The following OSCP1 variants were observed in gnomAD, a reference collection of about 807,000 sequenced individuals.
The protein encoded by OSCP1 is protein OSCP1.
A neutral mutation model predicts 45.1 loss-of-function variants in OSCP1; 35 were observed. The observed-to-expected ratio is 0.78, with a 90% CI of 0.59 to 1.03. OSCP1 has a LOEUF of 1.03. OSCP1 is among the 50% of genes least tolerant of loss of function. The pLI is 0.00. For missense variants in OSCP1, 400 were observed against 470.7 expected (o/e 0.85, Z 1.39); for synonymous variants, 179 against 180.1 (o/e 0.99, Z 0.05).
At chr1:36,423,715 A>G (rs11263893) in intron 4 of OSCP1, among the ~76,000 whole-genome samples, 1 of 151,888 alleles carries the variant, frequency 6.6e-6, no homozygotes, top group Admixed American at 6.6e-5. Context: ...TCTACTAAAA[A>G]TACAAAAAAT....
chr1:36,419,204 C>A, intron 8 of OSCP1, 150 bp from the exon 9 acceptor site: 1 of 685,492 alleles, frequency 1.5e-6, no homozygotes, highest in Non-Finnish European at 2.6e-6. Context: ...ACCAATGTAC[C>A]CTACGACCTA....
At chr1:36,422,086 C>T in intron 7 of OSCP1, 64 bp downstream of exon 7, 6 of 1,500,266 alleles carry the variant, frequency 4.0e-6, no homozygotes, top group East Asian at 2.3e-5. Context: ...TCTCACCTCT[C>T]TTTATGTAGA....
chr1:36,427,564 G>T (rs1204271838), intron 4 of OSCP1, among the ~76,000 whole-genome samples: 2 of 151,890 alleles, frequency 1.3e-5, no homozygotes, highest in Non-Finnish European at 2.9e-5. Flanking sequence ...TGATCTGCCC[G>T]CCTTGGCCTC....
Position 36,447,059 on chromosome 1 carries a change from C to T in OSCP1, c.112+3199G>A, listed in dbSNP as rs575739443. 1.7e-4 allele frequency among the ~76,000 whole-genome samples: 26 copies of T among 152,210 alleles called. No individual in the cohort carries two copies. The highest frequency in any genetic ancestry group is 3.2e-4 in the Non-Finnish European group (22 of 68,016). On this transcript the variant is annotated intron_variant, in intron 1 of 9. Coordinates refer to ENST00000235532, the MANE Select transcript of OSCP1 (RefSeq NM_145047.5). The surrounding 1 kb of genome is among the most constrained non-coding windows in gnomAD (Gnocchi z 4.1). Reference sequence around the variant, plus strand: ...GATGGCCTCCAGGAGACCAATTAGTCGTATAAGATAATGAAAACATCTAGA... The same window carrying T: ...GATGGCCTCCAGGAGACCAATTAGTTGTATAAGATAATGAAAACATCTAGA...
intron 1 of OSCP1, among the ~76,000 whole-genome samples, 170 bp downstream of exon 1, chr1:36,450,088 G>A (rs1386246131): frequency 6.6e-6 from 1 of 151,904 alleles, no homozygotes; most frequent in East Asian, 1.9e-4. Flanking sequence ...AAAGCTTTTG[G>A]GGGGATTTGA....
In OSCP1 at chr1:36,438,745, T is replaced by G; in HGVS notation, c.267+11A>C. ...ATGCAACCAAGATGACAAAGGCAGC[T>G]GTCTGCTCACCTTATCCATGCTGGC... On this transcript the variant is annotated intron_variant, in intron 2 of 9. Coordinates refer to ENST00000235532, the MANE Select transcript of OSCP1 (RefSeq NM_145047.5). 1 of 1,585,830 alleles carries G rather than the reference T, an allele frequency of 6.3e-7. No individual in the cohort carries two copies. Among genetic ancestry groups the G allele is most frequent in the Admixed American group, 1.9e-5 (1 of 53,722 alleles).
chr1:36,439,072 G>C (rs528210600), intron 1 of OSCP1, 162 bp from the exon 2 acceptor site: 1 of 625,746 alleles, frequency 1.6e-6, no homozygotes, highest in South Asian at 3.3e-5. Context: ...CAGGTGTCCC[G>C]GTAGAAAGCA....
chr1:36,429,078 G>T (rs926218871), intron 4 of OSCP1, among the ~76,000 whole-genome samples: 1 of 151,974 alleles, frequency 6.6e-6, no homozygotes, highest in Non-Finnish European at 1.5e-5. Context: ...GCCAGCTCTG[G>T]AGTTGAGATT....
intron 4 of OSCP1, among the ~76,000 whole-genome samples, chr1:36,431,249 T>G (rs1648347661): frequency 6.7e-6 from 1 of 149,728 alleles, no homozygotes; most frequent in African/African-American, 2.5e-5. Context: ...GGCAGAGGAG[T>G]TGGTAGACAA....
intron 4 of OSCP1, among the ~76,000 whole-genome samples, chr1:36,427,299 C>CTT (rs71053929): frequency 7.3e-5 from 7 of 96,324 alleles, no homozygotes; most frequent in Non-Finnish European, 9.5e-5. Flanking sequence ...GGCGCCTGGC[C>CTT]TTTTTTTTTT....
In OSCP1 at chr1:36,445,394, T is replaced by C. The variant is rs113135956; in HGVS notation, c.112+4864A>G. Reference sequence around the variant, plus strand: ...AAACCATTTTGTAATTAATAGTTTCTTTTGGAAACATTTGCCACTAGATTG... The same window carrying C: ...AAACCATTTTGTAATTAATAGTTTCCTTTGGAAACATTTGCCACTAGATTG... On this transcript the variant is annotated intron_variant, in intron 1 of 9. Coordinates refer to ENST00000235532, the MANE Select transcript of OSCP1 (RefSeq NM_145047.5). 3.5e-3 allele frequency among the ~76,000 whole-genome samples: 533 copies of C among 152,356 alleles called. 5 individuals are homozygous for C. Among genetic ancestry groups the C allele is most frequent in the African/African-American group, 0.012 (489 of 41,594 alleles).
At chr1:36,436,104 A>ATT (rs780346891) in intron 2 of OSCP1, among the ~76,000 whole-genome samples, 13 of 113,882 alleles carry the variant, frequency 1.1e-4, no homozygotes, top group African/African-American at 3.3e-4. Flanking sequence ...CTCTCTCTCT[A>ATT]TTTTTTTTTT....
rs1267767792 is a variant in OSCP1 at position 36,428,458 on chromosome 1, C to T, written c.516+3344G>A. 1.9e-6 allele frequency: 3 copies of T among 1,613,650 alleles called. No individual in the cohort carries two copies. The South Asian group carries it at 3.3e-5, about 18-fold the overall frequency. On this transcript the variant is annotated intron_variant, in intron 4 of 9. Coordinates refer to ENST00000235532, the MANE Select transcript of OSCP1 (RefSeq NM_145047.5). ...CACTGTGAACAGTTTCTTGCATATG[C>T]TTCCAGAAGCACTCTCTCTGTATAT...
Position 36,419,005 on chromosome 1 carries a change from T to A in OSCP1, c.1009A>T (p.Ile337Leu). 1 of 1,610,492 alleles carries A rather than the reference T, an allele frequency of 6.2e-7. No individual in the cohort carries two copies. The highest frequency in any genetic ancestry group is 8.5e-7 in the Non-Finnish European group (1 of 1,176,740). ...PEELSYEVIN[I>L]QATQDQQRSE... is the part of the protein sequence containing the mutation. ...CCTGTACGTACCTGGGTGGCTTGTA[T>A]GTTGATAACTTCATAGGATAACTCT... Residue 337 changes from isoleucine (I) to leucine (L), a missense_variant, in exon 9 of 10, where the codon ATA (isoleucine) becomes TTA (leucine). Transcript: ENST00000235532.
intron 4 of OSCP1, among the ~76,000 whole-genome samples, chr1:36,426,580 C>T (rs939200097): frequency 2.0e-5 from 3 of 152,228 alleles, no homozygotes; most frequent in Non-Finnish European, 4.4e-5. Context: ...CTCAACCCTT[C>T]AGTTGCCAAG....
chr1:36,432,523 G>C lies in OSCP1; in HGVS notation c.334C>G (p.Leu112Val), dbSNP rs1244136796. The change falls in exon 3 of 10, where the codon CTG (leucine) becomes GTG (valine). Residue 112 changes from leucine (L) to valine (V), a missense_variant. Leu to Val is a conservative substitution (Grantham distance 32). Coordinates refer to ENST00000235532, the MANE Select transcript of OSCP1 (RefSeq NM_145047.5). ...VLLCPRPKDV[L>V]LVTFNHLDTI... ...TCCAAGTGATTGAAAGTGACCAGCA[G>C]CACATCCTTGGGTCGGGGACACAGC... 1 of 1,614,152 alleles carries C rather than the reference G, an allele frequency of 6.2e-7. No homozygotes were observed.
chr1:36,422,344 G>A lies in OSCP1; in HGVS notation c.750-125C>T, dbSNP rs967815280. On this transcript the variant is annotated intron_variant, in intron 6 of 9. Transcript: ENST00000235532. ...AATAGCATCCAGAAAGGTGCTGTGG[G>A]TACAGAATGCAACTGAGTGTGTGTT... The A allele has an allele frequency of 1.3e-5, 11 of 878,438 alleles. No individual in the cohort carries two copies. In the African/African-American group the frequency reaches 1.7e-4, roughly 13 times the overall value. 54.4% of individuals were successfully genotyped at this position (878,438 alleles called of 1,614,324 possible). A position where few individuals can be genotyped will look rare whatever the true frequency, so the allele number is the denominator to read the frequency against.
At chr1:36,420,909 G>A (rs930361639) in intron 7 of OSCP1, among the ~76,000 whole-genome samples, 1 of 152,054 alleles carries the variant, frequency 6.6e-6, no homozygotes, top group African/African-American at 2.4e-5. Context: ...AGAAGTGTAT[G>A]GCTTCCTTTC....
chr1:36,421,882 A>G (rs1647636498), intron 7 of OSCP1: 3 of 518,170 alleles, frequency 5.8e-6, no homozygotes, highest in African/African-American at 1.9e-5. Context: ...CACTGGTACT[A>G]CGCTACTGCA....
Sources: gnomAD v4.1 joint callset for allele counts (sites outside exome capture counted in the v4.1 genomes callset) on GRCh38, gnomAD v4.1.1 for gene constraint, Gnocchi (gnomAD v3.1) non-coding constraint, MANE v1.5 for transcripts, NCBI Gene and HGNC (gene_info 2026-07-23, HGNC 2026-07-21) for gene names.